Variants in FMN2 observed in about 807,000 individuals in gnomAD.
The protein encoded by FMN2 is formin 2.
A neutral mutation model predicts 142.3 loss-of-function variants in FMN2; 51 were observed. That is an observed-to-expected ratio of 0.36 (90% CI 0.29 to 0.45). FMN2 has a LOEUF of 0.45. Ranked by LOEUF, FMN2 falls within the 20% of genes least tolerant of loss-of-function variation. The pLI, the probability that FMN2 is intolerant of heterozygous loss-of-function variation, is 1.00. For missense variants in FMN2, 1,936 were observed against 2,122.8 expected, an observed-to-expected ratio of 0.91 and a Z score of 1.73; for synonymous variants, 882 against 869.8, an observed-to-expected ratio of 1.01 and a Z score of -0.25.
chr1:240,139,956 A>G lies in FMN2; in HGVS notation c.1782+16611A>G, dbSNP rs563887470. On this transcript the variant is annotated intron_variant, in intron 2 of 17. Coordinates refer to ENST00000319653, the MANE Select transcript of FMN2 (RefSeq NM_020066.5). The stretch of plus-strand genomic sequence containing the variant: ...GAAAGGAGGGGAGCCAAGATTCTCA[A>G]GGTCTGGAGGCTGAGGGGGTTCGGA... 6.6e-5 allele frequency among the ~76,000 whole-genome samples: 10 copies of G among 152,274 alleles called. No homozygotes were observed. In the South Asian group the frequency reaches 1.9e-3, roughly 28 times the overall value.
chr1:240,297,419 C>T (rs969049799), intron 8 of FMN2, among the ~76,000 whole-genome samples: 8 of 151,694 alleles, frequency 5.3e-5, no homozygotes, highest in African/African-American at 1.9e-4. Context: ...CATGGTGAAA[C>T]CCCGTCTCTA....
chr1:240,164,179 C>T (rs1664388474), intron 2 of FMN2, among the ~76,000 whole-genome samples: 2 of 152,152 alleles, frequency 1.3e-5, no homozygotes, highest in South Asian at 4.1e-4. Context: ...GATTACAGAC[C>T]TGAGCCACTA....
chr1:240,186,220 T>C (rs1013533056), intron 3 of FMN2, among the ~76,000 whole-genome samples: 1 of 152,172 alleles, frequency 6.6e-6, no homozygotes, highest in African/African-American at 2.4e-5. Flanking sequence ...ATCCTTACTC[T>C]CTCTTTCTCT....
Position 240,223,087 on chromosome 1 carries a change from C to T in FMN2, c.4065+11852C>T, listed in dbSNP as rs959845574. 1.4e-4 allele frequency among the ~76,000 whole-genome samples: 21 copies of T among 152,162 alleles called. 1 individual carries two copies. Among genetic ancestry groups the T allele is most frequent in the African/African-American group, 5.1e-4 (21 of 41,426 alleles). On this transcript the variant is annotated intron_variant, in intron 6 of 17. Transcript: ENST00000319653. ...CAGTTTTCAAAAGGAATGCTTCCAT[C>T]TTCTGCCCATTCAGTATGATATTGG...
chr1:240,166,695 ACT>A (rs1225211334), intron 2 of FMN2, among the ~76,000 whole-genome samples: 6 of 152,034 alleles, frequency 3.9e-5, no homozygotes, highest in East Asian at 3.8e-4. Context: ...ATTTTTGGAA[ACT>A]CTACTTTTTT....
At chr1:240,249,433 C>T (rs900554080) in intron 6 of FMN2, among the ~76,000 whole-genome samples, 1 of 151,900 alleles carries the variant, frequency 6.6e-6, no homozygotes, top group Admixed American at 6.6e-5. Flanking sequence ...TATCTGGGTT[C>T]TCTATTCTTT....
intron 1 of FMN2, among the ~76,000 whole-genome samples, chr1:240,113,578 AAT>A (rs1272282567): frequency 5.3e-5 from 8 of 151,258 alleles, no homozygotes; most frequent in Admixed American, 5.3e-4. Flanking sequence ...AAAAAAAAAA[AAT>A]AAGGTTGTGT....
chr1:240,329,090 C>A lies in FMN2; in HGVS notation c.4230C>A (p.Asp1410Glu). The A allele has an allele frequency of 1.2e-6, 2 of 1,613,978 alleles. No individual in the cohort carries two copies. The highest frequency in any genetic ancestry group is 1.7e-6 in the Non-Finnish European group (2 of 1,179,972). ...TGTTTTTCTAGAGAGCACAGTCAGA[C>A]GAACTCGAAAAAATAGAAAAGCATG... ...QALYENRAQS[D>E]ELEKIEKHGR... The change falls in exon 9 of 18, where the codon GAC (aspartate) becomes GAA (glutamate). Residue 1410 changes from aspartate (D) to glutamate (E), a missense_variant. Around this residue, in one of 8 missense-constraint regions of FMN2, gnomAD observed 322 missense variants for 401.6 expected, o/e 0.80. Coordinates refer to ENST00000319653, the MANE Select transcript of FMN2 (RefSeq NM_020066.5).
chr1:240,185,585 T>C (rs1043861534), intron 3 of FMN2, among the ~76,000 whole-genome samples: 1 of 152,250 alleles, frequency 6.6e-6, no homozygotes, highest in Non-Finnish European at 1.5e-5. Flanking sequence ...GTTTTCTAAG[T>C]ACGTTTTTCT....
At chr1:240,267,101 C>T (rs1461759971) in intron 7 of FMN2, among the ~76,000 whole-genome samples, 1 of 151,928 alleles carries the variant, frequency 6.6e-6, no homozygotes, top group Non-Finnish European at 1.5e-5. Context: ...ACAAGTGGAA[C>T]CTAATTAAAC....
chr1:240,277,873 T>G (rs1669272513), intron 7 of FMN2, among the ~76,000 whole-genome samples: 1 of 151,964 alleles, frequency 6.6e-6, no homozygotes, highest in African/African-American at 2.4e-5. Context: ...TTTACCAGAG[T>G]GAAGGCTTTT....
chr1:240,142,842 TC>T, intron 2 of FMN2: 1 of 1,587,302 alleles, frequency 6.3e-7, no homozygotes, highest in Non-Finnish European at 8.6e-7. Context: ...GCCCACCACA[TC>T]CACTGCCTGG....
chr1:240,417,309 G>T (rs1000587596), intron 15 of FMN2, among the ~76,000 whole-genome samples: 1 of 151,402 alleles, frequency 6.6e-6, no homozygotes, highest in East Asian at 1.9e-4. Context: ...TCTTATAATC[G>T]ATGTGGGCTC....
chr1:240,144,177 T>C, intron 2 of FMN2: 1 of 1,463,272 alleles, frequency 6.8e-7, no homozygotes, highest in Non-Finnish European at 9.6e-7. Context: ...GTCCTTGTTC[T>C]TGTAAAGCCA....
intron 8 of FMN2, among the ~76,000 whole-genome samples, chr1:240,306,961 A>G (rs1326435522): frequency 6.6e-6 from 1 of 152,164 alleles, no homozygotes; most frequent in Non-Finnish European, 1.5e-5. Context: ...GTGAGATGGC[A>G]TCTCATTGTG....
intron 2 of FMN2, among the ~76,000 whole-genome samples, chr1:240,141,365 T>G (rs1476257179): frequency 4.6e-5 from 7 of 151,972 alleles, no homozygotes; most frequent in Non-Finnish European, 4.4e-5. Flanking sequence ...TATTTATTTA[T>G]TTTTGGGATG....
chr1:240,179,268 CA>C (rs77544762), intron 3 of FMN2: 34,056 of 152,026 alleles, frequency 0.22, 4,054 homozygotes, highest in African/African-American at 0.29. Context: ...CAATGACCAA[CA>C]ATGTAAAAGG....
intron 15 of FMN2, among the ~76,000 whole-genome samples, chr1:240,435,680 G>A (rs1675343797): frequency 6.6e-6 from 1 of 152,172 alleles, no homozygotes; most frequent in African/African-American, 2.4e-5. Context: ...GCACAATGAT[G>A]TTAAATGGTT....
chr1:240,367,432 A>G (rs1436390487), intron 14 of FMN2, among the ~76,000 whole-genome samples: 2 of 152,116 alleles, frequency 1.3e-5, no homozygotes, highest in East Asian at 1.9e-4. Context: ...ATGTAGTGAT[A>G]TCTATCAACC....
Sources: gnomAD v4.1 joint callset for allele counts (sites outside exome capture counted in the v4.1 genomes callset) on GRCh38, gnomAD v4.1.1 for gene constraint, gnomAD v4.1.1 regional missense constraint, MANE v1.5 for transcripts, NCBI Gene and HGNC (gene_info 2026-07-23, HGNC 2026-07-21) for gene names.